FHL2: variants seen among roughly 807,000 people sequenced by gnomAD.
FHL2 encodes the protein four and a half LIM domains protein 2.
A neutral mutation model predicts 32.7 loss-of-function variants in FHL2; 20 were observed. That is an observed-to-expected ratio of 0.61 (90% confidence interval 0.43 to 0.89). The LOEUF is 0.89. Among genes scored for constraint, FHL2 ranks in the 40% least tolerant of loss-of-function variants. FHL2 has a pLI of 0.00. For synonymous variants in FHL2, 123 were observed against 128.1 expected (o/e 0.96, Z 0.27); for missense variants, 311 against 358.6 (o/e 0.87, Z 1.07).
At chr2:105,418,363 A>G (rs1310149556) in intron 1 of FHL2, among the ~76,000 whole-genome samples, 4 of 152,260 alleles carry the variant, frequency 2.6e-5, no homozygotes, top group East Asian at 1.9e-4. Context: ...ACTCTCCCCA[A>G]CAGAAACCAC....
intron 1 of FHL2, among the ~76,000 whole-genome samples, chr2:105,409,744 G>C (rs192362929): frequency 2.0e-5 from 3 of 152,280 alleles, no homozygotes; most frequent in Non-Finnish European, 4.4e-5. Flanking sequence ...GCCATCTCAG[G>C]GCTGGTTGTT....
chr2:105,378,187 C>A (rs1681614630), intron 3 of FHL2: 6 of 470,988 alleles, frequency 1.3e-5, no homozygotes, highest in Admixed American at 1.2e-4. Flanking sequence ...TCCATTTTTC[C>A]TACAGTTAAT....
chr2:105,401,126 C>A (rs1683455433), upstream of FHL2, among the ~76,000 whole-genome samples: 1 of 137,930 alleles, frequency 7.3e-6, no homozygotes, highest in African/African-American at 2.7e-5. Flanking sequence ...AGTAGAAAAT[C>A]AATTTTTATG....
At chr2:105,425,496 G>C (rs750432007) in intron 1 of FHL2, among the ~76,000 whole-genome samples, 1 of 151,764 alleles carries the variant, frequency 6.6e-6, no homozygotes, top group Non-Finnish European at 1.5e-5. Flanking sequence ...GTGCTGAGGT[G>C]GATTAGTAAA....
intron 3 of FHL2, among the ~76,000 whole-genome samples, chr2:105,384,744 T>G (rs577941306): frequency 6.6e-6 from 1 of 152,214 alleles, no homozygotes; most frequent in Non-Finnish European, 1.5e-5. Flanking sequence ...CCGGCCTCAA[T>G]TGATTCACCC....
upstream of FHL2, among the ~76,000 whole-genome samples, chr2:105,401,394 T>C (rs1205013132): frequency 6.6e-6 from 1 of 152,222 alleles, no homozygotes; most frequent in Non-Finnish European, 1.5e-5. Context: ...GGATAATCGC[T>C]GAAGCTTGAT....
At chr2:105,420,157 A>G (rs1558730472) in intron 1 of FHL2, among the ~76,000 whole-genome samples, 1 of 152,220 alleles carries the variant, frequency 6.6e-6, no homozygotes, top group Admixed American at 6.5e-5. Flanking sequence ...GGAAGCTGGA[A>G]GTCCAAGATC....
Position 105,361,295 on chromosome 2 carries a change from C to G in FHL2, c.828G>C (p.Gly276=), listed in dbSNP as rs780294130. The change falls in exon 7 of 7, where the codon GGG becomes GGC. Residue 276 remains glycine (G), a synonymous_variant. Coordinates refer to ENST00000530340, the MANE Select transcript of FHL2 (RefSeq NM_001318895.3). ...CTCTGTGTTGAATTCAGATGTCTTT[C>G]CCACAGTCGGGGCACAGGATGTCGT... The part of the protein sequence containing the change: ...ERDDILCPDC[G]KDI The G allele has an allele frequency of 6.8e-6, 11 of 1,613,042 alleles. No homozygotes were observed. The South Asian group carries it at 9.9e-5, about 15-fold the overall frequency.
intron 1 of FHL2, among the ~76,000 whole-genome samples, chr2:105,404,514 C>G (rs1454598683): frequency 6.6e-6 from 1 of 152,146 alleles, no homozygotes; most frequent in African/African-American, 2.4e-5. Flanking sequence ...TTGCCCGGAT[C>G]CAGCAGGGAA....
intron 3 of FHL2, among the ~76,000 whole-genome samples, chr2:105,375,041 G>T (rs927820914): frequency 3.9e-5 from 6 of 152,200 alleles, no homozygotes; most frequent in African/African-American, 1.4e-4. Flanking sequence ...TGTAGGATGT[G>T]AAGACATGGA....
chr2:105,412,880 C>CAGA (rs1573393593), intron 1 of FHL2, among the ~76,000 whole-genome samples: 1 of 152,052 alleles, frequency 6.6e-6, no homozygotes, highest in Non-Finnish European at 1.5e-5. Context: ...ATGATGGGGA[C>CAGA]AGAAGCACAT....
At chr2:105,406,688 C>T (rs1212308805) in intron 1 of FHL2, among the ~76,000 whole-genome samples, 1 of 152,122 alleles carries the variant, frequency 6.6e-6, no homozygotes, top group African/African-American at 2.4e-5. Flanking sequence ...TTTTCTTTTT[C>T]TAAGAATATG....
chr2:105,418,958 G>C (rs1331258165), intron 1 of FHL2, among the ~76,000 whole-genome samples: 3 of 152,174 alleles, frequency 2.0e-5, no homozygotes, highest in Admixed American at 2.0e-4. Flanking sequence ...CAGGGTTTGG[G>C]ACTATCCACA....
At chr2:105,399,509 G>T, upstream of FHL2, 1 of 1,536,194 alleles carries the variant, frequency 6.5e-7, no homozygotes, top group Non-Finnish European at 8.7e-7. Context: ...TTACCCTGCA[G>T]ATGCTTCTTT....
intron 1 of FHL2, among the ~76,000 whole-genome samples, chr2:105,421,349 AG>A (rs973257990): frequency 3.3e-5 from 5 of 152,212 alleles, no homozygotes; most frequent in Non-Finnish European, 7.3e-5. Flanking sequence ...GCAACCCAAA[AG>A]CCTGGTCACT....
intron 1 of FHL2, among the ~76,000 whole-genome samples, chr2:105,405,254 A>G (rs1458703040): frequency 6.6e-6 from 1 of 152,158 alleles, no homozygotes; most frequent in Non-Finnish European, 1.5e-5. Flanking sequence ...TGATTCCAAA[A>G]TCCATTTAAA....
chr2:105,407,193 C>T (rs1683659702), intron 1 of FHL2, among the ~76,000 whole-genome samples: 1 of 151,998 alleles, frequency 6.6e-6, no homozygotes, highest in Admixed American at 6.5e-5. Flanking sequence ...GAGATAGAGA[C>T]CATCCTGGCT....
At chr2:105,417,552 C>T (rs765353635) in intron 1 of FHL2, among the ~76,000 whole-genome samples, 3 of 151,496 alleles carry the variant, frequency 2.0e-5, no homozygotes, top group South Asian at 2.1e-4. Context: ...GGTGTGGCAG[C>T]GTGTGCCTGT....
At chr2:105,364,428 G>T (rs1040055013) in intron 5 of FHL2, among the ~76,000 whole-genome samples, 1 of 152,178 alleles carries the variant, frequency 6.6e-6, no homozygotes, top group East Asian at 1.9e-4. Context: ...TGGAAGTTTT[G>T]GGAAAAATAA....
Sources: allele counts gnomAD v4.1 joint callset (sites outside exome capture counted in the v4.1 genomes callset), GRCh38; gene constraint gnomAD v4.1.1; transcripts MANE v1.5; gene names NCBI Gene and HGNC (gene_info 2026-07-23, HGNC 2026-07-21).